The following GRIK2 variants were observed in gnomAD, a reference collection of about 807,000 sequenced individuals.
GRIK2 encodes glutamate receptor ionotropic, kainate 2.
In GRIK2, 32 loss-of-function variants were observed where a neutral mutation model predicts 100.3. The observed-to-expected ratio is 0.32, with a 90% CI of 0.24 to 0.43. The LOEUF (loss-of-function observed/expected upper bound fraction) is 0.43, where lower values mean the gene tolerates loss of function less well. Ranked by LOEUF, GRIK2 falls within the 20% of genes least tolerant of loss-of-function variation. GRIK2 has a pLI of 1.00. For missense variants in GRIK2, 843 were observed against 1,114.9 expected, an observed-to-expected ratio of 0.76 and a Z score of 3.47; for synonymous variants, 417 against 389.4, an observed-to-expected ratio of 1.07 and a Z score of -0.83.
intron 14 of GRIK2, among the ~76,000 whole-genome samples, chr6:102,003,652 G>A (rs888832278): frequency 1.3e-5 from 2 of 151,430 alleles, no homozygotes; most frequent in African/African-American, 4.8e-5. Flanking sequence ...GTTTTATTTT[G>A]TCATTGCATA....
intron 7 of GRIK2, among the ~76,000 whole-genome samples, chr6:101,755,797 G>A (rs1426332395): frequency 6.6e-6 from 1 of 152,180 alleles, no homozygotes; most frequent in East Asian, 1.9e-4. Flanking sequence ...ACTAAATATT[G>A]TGAAATATAT....
At chr6:101,954,766 T>G (rs1001049737) in intron 14 of GRIK2, among the ~76,000 whole-genome samples, 24 of 152,080 alleles carry the variant, frequency 1.6e-4, no homozygotes, top group Non-Finnish European at 3.2e-4. Flanking sequence ...ATGAGAAAGG[T>G]GTACACTGTT....
chr6:102,032,389 A>C (rs1294310117), intron 14 of GRIK2, among the ~76,000 whole-genome samples: 1 of 151,174 alleles, frequency 6.6e-6, no homozygotes, highest in African/African-American at 2.4e-5. Flanking sequence ...GAGGGAAAAT[A>C]CCTTGATGCT....
Position 101,518,056 on chromosome 6 carries a change from A to T in GRIK2, c.116-103893A>T, listed in dbSNP as rs113328153. The stretch of plus-strand genomic sequence containing the variant: ...TAATCTTTTTTAAACATGAAAAATA[A>T]CTTTTATCTCTCACAAATAAGCTAT... On this transcript the variant is annotated intron_variant, in intron 2 of 16. Coordinates refer to ENST00000369134, the MANE Select transcript of GRIK2 (RefSeq NM_021956.5). Among the ~76,000 whole-genome samples the T allele has an allele frequency of 6.1e-3, 921 of 152,144 alleles. 6 individuals carry two copies. The highest frequency in any genetic ancestry group is 0.021 in the African/African-American group (856 of 41,546).
chr6:101,616,667 A>C (rs901568824), intron 2 of GRIK2, among the ~76,000 whole-genome samples: 1 of 151,774 alleles, frequency 6.6e-6, no homozygotes, highest in Non-Finnish European at 1.5e-5. Context: ...TCCTGTAAGT[A>C]GAATTAGTGC....
intron 9 of GRIK2, among the ~76,000 whole-genome samples, chr6:101,814,141 T>G (rs2128420009): frequency 6.6e-6 from 1 of 152,212 alleles, no homozygotes; most frequent in South Asian, 2.1e-4. Context: ...TAGACTTAAA[T>G]GTATTTTATC....
intron 12 of GRIK2, among the ~76,000 whole-genome samples, chr6:101,892,253 C>T (rs1012834314): frequency 2.6e-5 from 4 of 152,084 alleles, no homozygotes; most frequent in Non-Finnish European, 2.9e-5. Context: ...TTAGTTATTC[C>T]TAATTTTCCA....
In GRIK2 at chr6:101,396,250, C is replaced by A. The variant is rs529534714; in HGVS notation, c.-294+2413C>A. 8.1e-4 allele frequency among the ~76,000 whole-genome samples: 121 copies of A among 150,298 alleles called. 1 individual carries two copies. The highest frequency in any genetic ancestry group is 1.1e-3 in the South Asian group (5 of 4,610). ...GGATGTAAATTTAGCATTCCCCCCC[C>A]CCCCAGGAAGTGAGTGAGTTTAATG... On this transcript the variant is annotated intron_variant, in intron 1 of 16. Coordinates refer to ENST00000369134, the MANE Select transcript of GRIK2 (RefSeq NM_021956.5).
chr6:101,703,503 G>C, intron 7 of GRIK2, among the ~76,000 whole-genome samples: 1 of 151,852 alleles, frequency 6.6e-6, no homozygotes, highest in South Asian at 2.1e-4. Context: ...CAATACTATT[G>C]TCTGCTTGGA....
chr6:101,513,244 T>C (rs1456899269), intron 2 of GRIK2, among the ~76,000 whole-genome samples: 1 of 152,068 alleles, frequency 6.6e-6, no homozygotes, highest in African/African-American at 2.4e-5. Flanking sequence ...TTCCAGGCTA[T>C]GGTGAATTTA....
At chr6:101,868,009 A>G (rs1014634988) in intron 11 of GRIK2, among the ~76,000 whole-genome samples, 2 of 151,652 alleles carry the variant, frequency 1.3e-5, no homozygotes, top group Admixed American at 1.3e-4. Context: ...TCTGTAAAAA[A>G]TGTTTTGGTC....
chr6:101,788,090 T>G (rs1779559542), intron 7 of GRIK2, among the ~76,000 whole-genome samples: 1 of 152,182 alleles, frequency 6.6e-6, no homozygotes, highest in Non-Finnish European at 1.5e-5. Context: ...AAGTTTGTTT[T>G]ATTTGATATA....
At chr6:101,547,718 A>G (rs1185771969) in intron 2 of GRIK2, among the ~76,000 whole-genome samples, 6 of 151,888 alleles carry the variant, frequency 4.0e-5, no homozygotes, top group Non-Finnish European at 7.4e-5. Flanking sequence ...CCAGTCTATC[A>G]TTGTTGGACA....
intron 16 of GRIK2, among the ~76,000 whole-genome samples, chr6:102,067,560 T>C (rs2114543120): frequency 6.6e-6 from 1 of 151,944 alleles, no homozygotes; most frequent in East Asian, 1.9e-4. Flanking sequence ...TTTGAGGAGC[T>C]GTAACAATAA....
At chr6:101,874,244 T>A (rs1001237855) in intron 11 of GRIK2, among the ~76,000 whole-genome samples, 20 of 152,150 alleles carry the variant, frequency 1.3e-4, no homozygotes, top group African/African-American at 4.8e-4. Context: ...AACATTTAAG[T>A]CTTTAATCCA....
At chr6:101,539,167 A>G (rs878893121) in intron 2 of GRIK2, among the ~76,000 whole-genome samples, 1 of 151,746 alleles carries the variant, frequency 6.6e-6, no homozygotes, top group Admixed American at 6.6e-5. Context: ...ATAAAAATAA[A>G]AGCTTCTGAA....
intron 16 of GRIK2, among the ~76,000 whole-genome samples, chr6:102,063,682 G>T: frequency 6.7e-6 from 1 of 149,434 alleles, no homozygotes; most frequent in African/African-American, 2.4e-5. Flanking sequence ...CATCAACAAT[G>T]ATATTCTTGA....
At chr6:102,012,907 G>A (rs1370450967) in intron 14 of GRIK2, among the ~76,000 whole-genome samples, 1 of 152,104 alleles carries the variant, frequency 6.6e-6, no homozygotes, top group Non-Finnish European at 1.5e-5. Context: ...GGAGTGCCTT[G>A]ACTATTCAAG....
At chr6:101,463,719 T>C (rs1771465977) in intron 2 of GRIK2, among the ~76,000 whole-genome samples, 1 of 152,072 alleles carries the variant, frequency 6.6e-6, no homozygotes, top group Admixed American at 6.5e-5. Flanking sequence ...CTCTAATATC[T>C]ATCACACAGG....
Sources: allele counts gnomAD v4.1 joint callset (sites outside exome capture counted in the v4.1 genomes callset), GRCh38; gene constraint gnomAD v4.1.1; transcripts MANE v1.5; gene names NCBI Gene and HGNC (gene_info 2026-07-23, HGNC 2026-07-21).